Variants in CDCA7L observed in about 807,000 individuals in gnomAD.
CDCA7L encodes cell division cycle-associated 7-like protein.
Under a neutral mutation model 57.4 loss-of-function variants are expected in CDCA7L, and 44 were observed. That is an observed-to-expected ratio of 0.77 (90% confidence interval 0.60 to 0.98). The LOEUF is 0.98. Ranked by LOEUF, CDCA7L falls within the 50% of genes least tolerant of loss-of-function variation. The pLI, the probability that CDCA7L is intolerant of heterozygous loss-of-function variation, is 0.00. For missense variants in CDCA7L, 644 were observed against 580.6 expected, an observed-to-expected ratio of 1.11 and a Z score of -1.12; for synonymous variants, 236 against 202.8, an observed-to-expected ratio of 1.16 and a Z score of -1.39.
chr7:21,912,246 G>T (rs1465545069), intron 2 of CDCA7L, among the ~76,000 whole-genome samples: 1 of 152,028 alleles, frequency 6.6e-6, no homozygotes, highest in African/African-American at 2.4e-5. Flanking sequence ...TTGCAGCCAA[G>T]ATCACACCAT....
At chr7:21,908,046 G>A (rs2128058351) in intron 4 of CDCA7L, 84 bp downstream of exon 4, 6 of 1,419,184 alleles carry the variant, frequency 4.2e-6, no homozygotes, top group East Asian at 2.4e-5. Flanking sequence ...AGCAGCAGCT[G>A]TAGGAGCAAA....
chr7:21,920,696 T>C (rs923937221), intron 1 of CDCA7L, among the ~76,000 whole-genome samples: 1 of 152,234 alleles, frequency 6.6e-6, no homozygotes, highest in African/African-American at 2.4e-5. Context: ...GAAACTTTTC[T>C]CAAGGAGGTA....
chr7:21,932,824 C>A (rs955576906), intron 1 of CDCA7L, among the ~76,000 whole-genome samples: 3 of 152,054 alleles, frequency 2.0e-5, no homozygotes, highest in African/African-American at 7.2e-5. Context: ...AACTAAAGAG[C>A]TTCTGCACAG....
At position 21,901,123 on chromosome 7, in the gene CDCA7L, C is replaced by T; in HGVS notation, c.*1199G>A. ...CCCCGTGGACAGACAAGAAACCAAA[C>T]AGACCTACGAGTGCCCTGTGTATAG... On this transcript the variant is annotated 3_prime_UTR_variant, in exon 10 of 10. Coordinates refer to ENST00000406877, the MANE Select transcript of CDCA7L (RefSeq NM_018719.5). The T allele has an allele frequency of 6.2e-7, 1 of 1,613,932 alleles. No homozygotes were observed. The highest frequency in any genetic ancestry group is 8.5e-7 in the Non-Finnish European group (1 of 1,179,856).
At chr7:21,943,525 C>T (rs1786412034) in intron 1 of CDCA7L, among the ~76,000 whole-genome samples, 1 of 152,226 alleles carries the variant, frequency 6.6e-6, no homozygotes, top group African/African-American at 2.4e-5. Context: ...CAGGGTGGAA[C>T]CACACGAATT....
intron 5 of CDCA7L, 36 bp from the exon 6 acceptor site, chr7:21,906,492 C>A: frequency 9.3e-6 from 15 of 1,611,008 alleles, no homozygotes; most frequent in Admixed American, 1.7e-5. Flanking sequence ...CAACTGGGGA[C>A]TCTCTCGAAT....
Position 21,906,631 on chromosome 7 carries a change from C to T in CDCA7L, c.690G>A (p.Gln230=), listed in dbSNP as rs188087480. 24 of 1,613,888 alleles carry T rather than the reference C, an allele frequency of 1.5e-5. No homozygotes were observed. The East Asian group carries it at 4.2e-4, about 28-fold the overall frequency. ...GCATCGAGTTCAATTCCGCCAATAA[C>T]TGGGCAAGCTGAAGTTCAGAACAAA... ...NIKENKAMLA[Q]LLAELNSMPD... The change falls in exon 5 of 10, where the codon CAG becomes CAA. Residue 230 remains glutamine, a synonymous_variant. Coordinates refer to ENST00000406877, the MANE Select transcript of CDCA7L (RefSeq NM_018719.5).
At position 21,901,730 on chromosome 7, in the gene CDCA7L, A is replaced by AAGGAAGAGGCTAG; in HGVS notation, c.*579_*591dup. ...AGCAGCAGGCCCCAGGTGAGTCCTG[A>AAGGAAGAGGCTAG]AGGAAGAGGCTAGCACTCTGTAAGG... is the stretch of plus-strand genomic sequence containing the variant. On this transcript the variant is annotated 3_prime_UTR_variant, in exon 10 of 10. Coordinates refer to ENST00000406877, the MANE Select transcript of CDCA7L (RefSeq NM_018719.5). 6.6e-6 allele frequency: 1 copy of AAGGAAGAGGCTAG among 152,348 alleles called. No individual in the cohort carries two copies. Among genetic ancestry groups the AAGGAAGAGGCTAG allele is most frequent in the Middle Eastern group, 3.4e-3 (1 of 292 alleles). The allele number at this position is 152,348 out of a possible 1,614,324, so 9.4% of individuals were successfully genotyped here.
At position 21,906,619 on chromosome 7, in the gene CDCA7L, T is replaced by A. The variant is rs1407369563; in HGVS notation, c.702A>T (p.Glu234Asp). The change falls in exon 5 of 10, where the codon GAA (glutamate) becomes GAT (aspartate). Residue 234 changes from glutamate to aspartate, a missense_variant. Coordinates refer to ENST00000406877, the MANE Select transcript of CDCA7L (RefSeq NM_018719.5). ...NKAMLAQLLA[E>D]LNSMPDFFPV... is the part of the protein sequence containing the mutation. Reference sequence around the variant, plus strand: ...GGAAGAAATCTGGCATCGAGTTCAATTCCGCCAATAACTGGGCAAGCTGAA... The same window carrying A: ...GGAAGAAATCTGGCATCGAGTTCAAATCCGCCAATAACTGGGCAAGCTGAA... 6.2e-6 allele frequency: 10 copies of A among 1,614,046 alleles called. No homozygotes were observed. The highest frequency in any genetic ancestry group is 8.5e-6 in the Non-Finnish European group (10 of 1,180,032).
rs1485604403 is a variant in CDCA7L, at chr7:21,945,871, G to T, written c.-67C>A. 4 of 1,528,004 alleles carry T rather than the reference G, an allele frequency of 2.6e-6. No homozygotes were observed. Among genetic ancestry groups the T allele is most frequent in the East Asian group, 5.2e-5 (2 of 38,566 alleles). 94.7% of individuals were successfully genotyped at this position (1,528,004 alleles called of 1,614,324 possible). A position where few individuals can be genotyped will look rare whatever the true frequency, so the allele number is the denominator to read the frequency against. ...CGGGAGCCCGGACTCACCACGGCCC[G>T]GCGCACCAAGAACGCCCCGCGCCCG... On this transcript the variant is annotated 5_prime_UTR_variant, in exon 1 of 10. Transcript: ENST00000406877.
At chr7:21,915,951 C>T (rs939463000) in intron 2 of CDCA7L, among the ~76,000 whole-genome samples, 2 of 152,056 alleles carry the variant, frequency 1.3e-5, no homozygotes, top group South Asian at 2.1e-4. Context: ...GAGATGAGGA[C>T]GACAGAGACC....
chr7:21,908,559 A>G lies in CDCA7L; in HGVS notation c.304-52T>C, dbSNP rs1371869046. ...ACAAAGACACTGTTACAGACCCACA[A>G]AAAAGACATGCATTTAAAACAACTG... On this transcript the variant is annotated intron_variant, in intron 3 of 9. Coordinates refer to ENST00000406877, the MANE Select transcript of CDCA7L (RefSeq NM_018719.5). 5 of 1,391,176 alleles carry G rather than the reference A, an allele frequency of 3.6e-6. No homozygotes were observed. The South Asian group carries it at 1.0e-4, about 29-fold the overall frequency. 86.2% of individuals were successfully genotyped at this position (1,391,176 alleles called of 1,614,324 possible).
chr7:21,936,612 T>G (rs1053820370), intron 1 of CDCA7L, among the ~76,000 whole-genome samples: 30 of 150,878 alleles, frequency 2.0e-4, no homozygotes, highest in African/African-American at 7.1e-4. Flanking sequence ...CTGACAAAAT[T>G]CAACACCCTT....
At chr7:21,942,027 G>C (rs1212482916) in intron 1 of CDCA7L, among the ~76,000 whole-genome samples, 1 of 152,158 alleles carries the variant, frequency 6.6e-6, no homozygotes, top group African/African-American at 2.4e-5. Context: ...TTCTGGTAGA[G>C]AGTGTGGGGA....
intron 1 of CDCA7L, among the ~76,000 whole-genome samples, chr7:21,943,227 TAATCA>T (rs1786401438): frequency 6.6e-6 from 1 of 152,190 alleles, no homozygotes; most frequent in African/African-American, 2.4e-5. Flanking sequence ...GGGGGAAGCG[TAATCA>T]CTGTCAGAGG....
In CDCA7L at chr7:21,902,337, C is replaced by T. The variant is rs1220408028; in HGVS notation, c.1350G>A (p.Leu450=). 2 of 1,613,798 alleles carry T rather than the reference C, an allele frequency of 1.2e-6. No homozygotes were observed. Among genetic ancestry groups the T allele is most frequent in the Admixed American group, 1.7e-5 (1 of 59,986 alleles). ...TGTTTTCCTCTTAATTGTCTTCTACCAGCTCCTTTTGTAAGCTGGGAAAAA... is the reference window on the plus strand; with the variant it reads ...TGTTTTCCTCTTAATTGTCTTCTACTAGCTCCTTTTGTAAGCTGGGAAAAA... ...KEYLESLQKE[L]VEDN The change falls in exon 10 of 10, where the codon CTG becomes CTA. Residue 450 remains leucine (L), a synonymous_variant. Coordinates refer to ENST00000406877, the MANE Select transcript of CDCA7L (RefSeq NM_018719.5).
chr7:21,902,707 CCTTCCATTT>C, intron 9 of CDCA7L: 1 of 485,402 alleles, frequency 2.1e-6, no homozygotes, highest in Non-Finnish European at 3.7e-6. Context: ...TTTGTTTGTT[CCTTCCATTT>C]CTGTCATACA....
At position 21,903,127 on chromosome 7, in the gene CDCA7L, TGACAGCA is replaced by T; in HGVS notation, c.1198-20_1198-14del. ...GACACACCCAATCCTAACAGAGAGA[TGACAGCA>T]GACACTTCGCTCATTATCTACAGGG... is the stretch of plus-strand genomic sequence containing the variant. On this transcript the variant is annotated splice_polypyrimidine_tract_variant and intron_variant, in intron 8 of 9. Transcript: ENST00000406877. 5 of 1,611,386 alleles carry T rather than the reference TGACAGCA, an allele frequency of 3.1e-6. No individual in the cohort carries two copies. Among genetic ancestry groups the T allele is most frequent in the Non-Finnish European group, 4.2e-6 (5 of 1,179,106 alleles).
intron 1 of CDCA7L, among the ~76,000 whole-genome samples, chr7:21,917,939 T>C (rs1407393328): frequency 2.6e-5 from 2 of 76,168 alleles, no homozygotes; most frequent in Non-Finnish European, 4.5e-5. Flanking sequence ...TTTTAATATC[T>C]GCAACTGTTC....
Sources: allele counts gnomAD v4.1 joint callset (sites outside exome capture counted in the v4.1 genomes callset), GRCh38; gene constraint gnomAD v4.1.1; transcripts MANE v1.5; gene names NCBI Gene and HGNC (gene_info 2026-07-23, HGNC 2026-07-21).